The following VWA3B variants were observed in gnomAD, a reference collection of about 807,000 sequenced individuals.
VWA3B encodes the protein von Willebrand factor A domain containing 3B.
A neutral mutation model predicts 158.3 loss-of-function variants in VWA3B; 138 were observed. The ratio of observed to expected loss-of-function variants is 0.87; its 90% CI spans 0.76 to 1.00. The LOEUF (loss-of-function observed/expected upper bound fraction) is 1.00, where lower values mean the gene tolerates loss of function less well. Ranked by LOEUF, VWA3B falls within the 50% of genes least tolerant of loss-of-function variation. The pLI is 0.00. For missense variants in VWA3B, 1,555 were observed against 1,565.1 expected (o/e 0.99, Z 0.11); for synonymous variants, 596 against 587.3 (o/e 1.01, Z -0.21).
chr2:98,280,616 G>C (rs1688819203), intron 22 of VWA3B, among the ~76,000 whole-genome samples: 1 of 152,256 alleles, frequency 6.6e-6, no homozygotes, highest in South Asian at 2.1e-4. Context: ...CACCAGGCCT[G>C]TGCCGGGCTC....
intron 26 of VWA3B, among the ~76,000 whole-genome samples, chr2:98,309,149 G>T (rs1448280023): frequency 1.4e-5 from 2 of 143,854 alleles, no homozygotes; most frequent in Admixed American, 1.4e-4. Flanking sequence ...CAGCCTGGGC[G>T]ACAGAGCGAG....
At chr2:98,159,594 C>T (rs778707496) in intron 7 of VWA3B, among the ~76,000 whole-genome samples, 16 of 152,044 alleles carry the variant, frequency 1.1e-4, no homozygotes, top group Non-Finnish European at 2.1e-4. Flanking sequence ...TCATGCAAGG[C>T]GGGGGATTGG....
intron 1 of VWA3B, among the ~76,000 whole-genome samples, chr2:98,088,387 A>G (rs1364339248): frequency 6.6e-6 from 1 of 152,168 alleles, no homozygotes; most frequent in Non-Finnish European, 1.5e-5. Context: ...CTGACTTCAC[A>G]AGACTGTCGC....
downstream of VWA3B, among the ~76,000 whole-genome samples, chr2:98,317,578 C>T (rs1691114957): frequency 6.6e-6 from 1 of 152,212 alleles, no homozygotes; most frequent in African/African-American, 2.4e-5. Flanking sequence ...TTATGGTAAC[C>T]CAGACATTCC....
Position 98,312,047 on chromosome 2 carries a change from G to T in VWA3B, c.3735+15G>T. ...CCGAGCCCAGGGTTTGGGTGATGGG[G>T]GGGGAACACAACATCGCTTATCTCA... On this transcript the variant is annotated intron_variant, in intron 27 of 27. Coordinates refer to ENST00000477737, the MANE Select transcript of VWA3B (RefSeq NM_144992.5). The T allele has an allele frequency of 1.3e-6, 2 of 1,592,280 alleles. No individual in the cohort carries two copies. The highest frequency in any genetic ancestry group is 1.3e-5 in the African/African-American group (1 of 74,432).
chr2:98,122,708 C>T (rs756016376), intron 5 of VWA3B, among the ~76,000 whole-genome samples: 5 of 152,192 alleles, frequency 3.3e-5, no homozygotes, highest in Non-Finnish European at 7.3e-5. Context: ...TCACAGCTGC[C>T]TGTGGCCCCC....
chr2:98,310,202 C>G (rs910269136), intron 26 of VWA3B, among the ~76,000 whole-genome samples: 2 of 152,152 alleles, frequency 1.3e-5, no homozygotes, highest in Non-Finnish European at 2.9e-5. Flanking sequence ...TCTAAGGCAG[C>G]CTTGCTGAGA....
At chr2:98,309,953 C>T (rs933167556) in intron 26 of VWA3B, among the ~76,000 whole-genome samples, 11 of 152,110 alleles carry the variant, frequency 7.2e-5, no homozygotes, top group Non-Finnish European at 2.9e-5. Flanking sequence ...GGACACGTGC[C>T]GTTGCTTACA....
At chr2:98,153,372 A>T (rs1346151689) in intron 7 of VWA3B, among the ~76,000 whole-genome samples, 1 of 152,242 alleles carries the variant, frequency 6.6e-6, no homozygotes, top group East Asian at 1.9e-4. Context: ...TCTTAAGTCC[A>T]AAAATATTGT....
intron 21 of VWA3B, among the ~76,000 whole-genome samples, chr2:98,268,832 A>G (rs931404020): frequency 2.0e-5 from 3 of 152,120 alleles, no homozygotes; most frequent in African/African-American, 7.2e-5. Flanking sequence ...TACTACCAAC[A>G]TTACTTTGGA....
chr2:98,252,818 A>G (rs900213948), intron 20 of VWA3B, among the ~76,000 whole-genome samples: 3 of 152,120 alleles, frequency 2.0e-5, no homozygotes, highest in African/African-American at 7.2e-5. Flanking sequence ...ACCAAAACAA[A>G]CATAGTAAGT....
At chr2:98,270,617 T>A (rs1688139252) in intron 21 of VWA3B, 65 bp from the exon 22 acceptor site, 6 of 1,495,354 alleles carry the variant, frequency 4.0e-6, no homozygotes, top group Non-Finnish European at 5.5e-6. Context: ...TATTTTTTTA[T>A]TATAGTCATT....
chr2:98,115,101 CTTTTT>C (rs369549458), intron 2 of VWA3B, among the ~76,000 whole-genome samples: 1 of 131,626 alleles, frequency 7.6e-6, no homozygotes, highest in African/African-American at 2.8e-5. Context: ...TCCTATGTTG[CTTTTT>C]TTTTTTTTTT....
intron 26 of VWA3B, among the ~76,000 whole-genome samples, chr2:98,311,594 T>G (rs943316299): frequency 2.0e-5 from 3 of 152,036 alleles, no homozygotes; most frequent in Non-Finnish European, 4.4e-5. Context: ...ATACTCAAGT[T>G]CTCCGTGCCG....
chr2:98,310,297 G>C (rs191373829), intron 26 of VWA3B, among the ~76,000 whole-genome samples: 1 of 152,306 alleles, frequency 6.6e-6, no homozygotes, highest in African/African-American at 2.4e-5. Context: ...ATTCAGCAAA[G>C]GGGGTGGGTT....
At chr2:98,122,737 C>T (rs972576977) in intron 5 of VWA3B, among the ~76,000 whole-genome samples, 7 of 152,166 alleles carry the variant, frequency 4.6e-5, no homozygotes, top group Admixed American at 6.5e-5. Context: ...CTGCAGGATC[C>T]GCCAGTGACC....
At chr2:98,100,435 C>T (rs1378890316) in intron 2 of VWA3B, among the ~76,000 whole-genome samples, 1 of 152,270 alleles carries the variant, frequency 6.6e-6, no homozygotes, top group Non-Finnish European at 1.5e-5. Flanking sequence ...TGTTGGGGCA[C>T]ACCCAAAGTC....
chr2:98,257,880 T>C (rs962665975), intron 21 of VWA3B, among the ~76,000 whole-genome samples: 1 of 151,994 alleles, frequency 6.6e-6, no homozygotes, highest in Non-Finnish European at 1.5e-5. Context: ...AATTCTTCTT[T>C]TTTTTTCTTT....
chr2:98,171,989 AC>A (rs908679070), intron 8 of VWA3B, among the ~76,000 whole-genome samples: 1 of 152,158 alleles, frequency 6.6e-6, no homozygotes, highest in Non-Finnish European at 1.5e-5. Context: ...TGGGGTGCCA[AC>A]CCCGTGCCAA....
Sources: allele counts gnomAD v4.1 joint callset (sites outside exome capture counted in the v4.1 genomes callset), GRCh38; gene constraint gnomAD v4.1.1; transcripts MANE v1.5; gene names NCBI Gene and HGNC (gene_info 2026-07-23, HGNC 2026-07-21).